The following BCKDHB variants were observed in gnomAD, a reference collection of about 807,000 sequenced individuals.
BCKDHB encodes 2-oxoisovalerate dehydrogenase subunit beta, mitochondrial.
In BCKDHB, 41 loss-of-function variants were observed where a neutral mutation model predicts 48.5. That is an observed-to-expected ratio of 0.85 (90% CI 0.66 to 1.10). The LOEUF (loss-of-function observed/expected upper bound fraction) is 1.10, where lower values mean the gene tolerates loss of function less well. BCKDHB is among the 50% of genes least tolerant of loss of function. The pLI, the probability that BCKDHB is intolerant of heterozygous loss-of-function variation, is 0.00. For missense variants in BCKDHB, 496 were observed against 494.2 expected (o/e 1.00, Z -0.03); for synonymous variants, 201 against 174.8 (o/e 1.15, Z -1.18).
intron 9 of BCKDHB, among the ~76,000 whole-genome samples, chr6:80,299,488 G>A (rs1211885373): frequency 1.3e-5 from 2 of 152,164 alleles, no homozygotes; most frequent in African/African-American, 4.8e-5. Context: ...CCCCAAGAGA[G>A]GGGTTCTTGG....
the BCKDHB span, among the ~76,000 whole-genome samples, chr6:80,418,132 A>G: frequency 3.3e-5 from 5 of 151,970 alleles, no homozygotes; most frequent in African/African-American, 9.7e-5. Context: ...TGCTATTAAT[A>G]TTTGTGATTG....
At position 80,215,828 on chromosome 6, in the gene BCKDHB, G is replaced by A. The variant is rs552599366; in HGVS notation, c.951+12616G>A. On this transcript the variant is annotated intron_variant, in intron 8 of 9. Transcript: ENST00000320393. Reference sequence around the variant, plus strand: ...GCACGATCTCCACACTGCAATCTCCGCCTCTGGGGTTCAAGCCATTCTCCT... The same window carrying A: ...GCACGATCTCCACACTGCAATCTCCACCTCTGGGGTTCAAGCCATTCTCCT... 3.3e-5 allele frequency among the ~76,000 whole-genome samples: 5 copies of A among 152,092 alleles called. No individual in the cohort carries two copies. The East Asian group carries it at 5.8e-4, about 18-fold the overall frequency.
At chr6:80,321,647 C>G (rs552898358) in intron 9 of BCKDHB, among the ~76,000 whole-genome samples, 1 of 152,054 alleles carries the variant, frequency 6.6e-6, no homozygotes, top group African/African-American at 2.4e-5. Flanking sequence ...TTGAACTTTG[C>G]CTAAAGTTTA....
intron 3 of BCKDHB, among the ~76,000 whole-genome samples, chr6:80,155,368 A>G (rs1268883305): frequency 1.3e-5 from 2 of 152,136 alleles, no homozygotes; most frequent in Non-Finnish European, 2.9e-5. Context: ...AGCATTTGTG[A>G]CTTGAGTAGT....
the BCKDHB span, among the ~76,000 whole-genome samples, chr6:80,382,236 C>G: frequency 6.6e-6 from 1 of 152,060 alleles, no homozygotes; most frequent in African/African-American, 2.4e-5. Flanking sequence ...TTGTAATACT[C>G]ATGGTTTTGG....
intron 9 of BCKDHB, among the ~76,000 whole-genome samples, chr6:80,327,828 A>G (rs565779944): frequency 6.6e-6 from 1 of 152,004 alleles, no homozygotes; most frequent in Admixed American, 6.6e-5. Context: ...AAAGTGTTTA[A>G]TGATTTCATA....
the BCKDHB span, chr6:80,356,234 C>G: frequency 0.21 from 31,207 of 152,076 alleles, 3,714 homozygotes; most frequent in South Asian, 0.37. Context: ...ACAGGCCACT[C>G]TAGATTCTAG....
the BCKDHB span, among the ~76,000 whole-genome samples, chr6:80,422,757 T>G: frequency 1.3e-5 from 2 of 152,178 alleles, no homozygotes. Flanking sequence ...TTTGGCCAAT[T>G]TCTCCAATTT....
chr6:80,315,393 T>C (rs375692729), intron 9 of BCKDHB, among the ~76,000 whole-genome samples: 2 of 152,148 alleles, frequency 1.3e-5, no homozygotes, highest in East Asian at 3.9e-4. Flanking sequence ...TTCCCTTGAC[T>C]ACATGTCACT....
At chr6:80,315,728 TC>T (rs2127999226) in intron 9 of BCKDHB, among the ~76,000 whole-genome samples, 1 of 152,184 alleles carries the variant, frequency 6.6e-6, no homozygotes, top group African/African-American at 2.4e-5. Context: ...AAGGAATCCT[TC>T]CACGTCGGCC....
At chr6:80,272,506 A>G (rs984015601) in intron 8 of BCKDHB, among the ~76,000 whole-genome samples, 1 of 152,170 alleles carries the variant, frequency 6.6e-6, no homozygotes, top group Non-Finnish European at 1.5e-5. Context: ...TACAGAGTGT[A>G]TCATGCACAG....
intron 6 of BCKDHB, among the ~76,000 whole-genome samples, chr6:80,189,567 G>T (rs190798083): frequency 6.6e-6 from 1 of 152,124 alleles, no homozygotes; most frequent in East Asian, 1.9e-4. Flanking sequence ...AGAATAAAAG[G>T]CATATAATAA....
chr6:80,163,241 T>G (rs531004025), intron 3 of BCKDHB, among the ~76,000 whole-genome samples: 1 of 152,106 alleles, frequency 6.6e-6, no homozygotes, highest in Non-Finnish European at 1.5e-5. Flanking sequence ...TCCATATAAT[T>G]GTCACTACTC....
the BCKDHB span, among the ~76,000 whole-genome samples, chr6:80,364,886 G>A: frequency 6.6e-6 from 1 of 152,162 alleles, no homozygotes; most frequent in East Asian, 1.9e-4. Flanking sequence ...TTGGCCAGCT[G>A]AGAAATAAAG....
chr6:80,413,069 T>C, the BCKDHB span, among the ~76,000 whole-genome samples: 1 of 152,166 alleles, frequency 6.6e-6, no homozygotes, highest in Non-Finnish European at 1.5e-5. Flanking sequence ...GGATATTTTC[T>C]GTCATTATTT....
the BCKDHB span, among the ~76,000 whole-genome samples, chr6:80,428,557 C>T: frequency 3.9e-5 from 6 of 152,138 alleles, no homozygotes; most frequent in Non-Finnish European, 7.4e-5. Context: ...TTTTAATGAA[C>T]ACCATTCTAA....
intron 1 of BCKDHB, among the ~76,000 whole-genome samples, chr6:80,112,606 A>T (rs1236131444): frequency 6.6e-6 from 1 of 152,250 alleles, no homozygotes; most frequent in Non-Finnish European, 1.5e-5. Flanking sequence ...AGCACAGTCC[A>T]ACTGCTGCAG....
At position 80,273,248 on chromosome 6, in the gene BCKDHB, A is replaced by C. The variant is rs73463529; in HGVS notation, c.1038+27A>C. On this transcript the variant is annotated intron_variant, in intron 9 of 9. Transcript: ENST00000320393. Reference sequence around the variant, plus strand: ...TAGAGTAATTTTTGGAACTGATTTCAATGCTTGTGCAATTCCACATGCCAA... The same window carrying C: ...TAGAGTAATTTTTGGAACTGATTTCCATGCTTGTGCAATTCCACATGCCAA... The C allele has an allele frequency of 9.7e-4, 1,517 of 1,569,514 alleles. 15 individuals carry two copies. The African/African-American group carries it at 0.018, about 19-fold the overall frequency.
intron 8 of BCKDHB, among the ~76,000 whole-genome samples, chr6:80,229,279 A>G (rs557601556): frequency 6.6e-6 from 1 of 152,358 alleles, no homozygotes; most frequent in Admixed American, 6.5e-5. Context: ...TTACAGAAAT[A>G]GCAGAGTGAA....
Sources: gnomAD v4.1 joint callset for allele counts (sites outside exome capture counted in the v4.1 genomes callset) on GRCh38, gnomAD v4.1.1 for gene constraint, MANE v1.5 for transcripts, NCBI Gene and HGNC (gene_info 2026-07-23, HGNC 2026-07-21) for gene names.